Variants in PKHD1 observed in about 807,000 individuals in gnomAD.
The protein encoded by PKHD1 is PKHD1 ciliary IPT domain containing fibrocystin/polyductin.
In PKHD1, 291 loss-of-function variants were observed where a neutral mutation model predicts 412.0. The observed-to-expected ratio is 0.71, with a 90% confidence interval of 0.64 to 0.78. PKHD1 has a LOEUF of 0.78. Ranked by LOEUF, PKHD1 falls within the 30% of genes least tolerant of loss-of-function variation. PKHD1 has a pLI of 0.00. For synonymous variants in PKHD1, 1,777 were observed against 1,821.5 expected (o/e 0.98, Z 0.62); for missense variants, 4,825 against 4,950.7 (o/e 0.97, Z 0.76).
intron 37 of PKHD1, among the ~76,000 whole-genome samples, chr6:51,922,671 G>A (rs959593175): frequency 2.6e-5 from 4 of 152,160 alleles, no homozygotes; most frequent in East Asian, 1.9e-4. Flanking sequence ...CCCAAGCCTC[G>A]CTGCCTCCTT....
At chr6:51,772,315 G>A (rs1411819738) in intron 55 of PKHD1, among the ~76,000 whole-genome samples, 1 of 150,962 alleles carries the variant, frequency 6.6e-6, no homozygotes, top group Non-Finnish European at 1.5e-5. Context: ...TACTTCATAT[G>A]TTTCATCTCC....
rs185943312 is a variant in PKHD1 at position 51,843,105 on chromosome 6, C to T, written c.8107+4670G>A. Among the ~76,000 whole-genome samples, 205 of 152,258 alleles carry T rather than the reference C, an allele frequency of 1.3e-3. 3 individuals are homozygous for T. The highest frequency in any genetic ancestry group is 4.5e-3 in the African/African-American group (186 of 41,552). ...TTAATGATTTTTGATTGAAGGGTGG[C>T]GGCTGGGATGCCGAGAGGATCGTTA... On this transcript the variant is annotated intron_variant, in intron 50 of 66. Coordinates refer to ENST00000371117, the MANE Select transcript of PKHD1 (RefSeq NM_138694.4).
At chr6:52,045,914 C>A (rs1805726266) in intron 24 of PKHD1, 90 bp downstream of exon 24, 3 of 878,924 alleles carry the variant, frequency 3.4e-6, no homozygotes, top group Non-Finnish European at 5.7e-6. Flanking sequence ...TAATTCATGA[C>A]AGTTTCCATT....
At chr6:51,921,575 AG>A (rs1434526669) in intron 37 of PKHD1, among the ~76,000 whole-genome samples, 1 of 152,204 alleles carries the variant, frequency 6.6e-6, no homozygotes, top group East Asian at 1.9e-4. Context: ...AATCAGACGT[AG>A]ATTTGGTCTT....
intron 48 of PKHD1, among the ~76,000 whole-genome samples, chr6:51,867,167 A>G (rs1004326799): frequency 1.3e-5 from 2 of 152,168 alleles, no homozygotes; most frequent in African/African-American, 4.8e-5. Flanking sequence ...AAGGAAGAAA[A>G]TAAGTGTGGC....
chr6:51,996,266 C>T (rs147238638), intron 35 of PKHD1, among the ~76,000 whole-genome samples: 10 of 151,086 alleles, frequency 6.6e-5, no homozygotes, highest in African/African-American at 1.9e-4. Context: ...GCCTCAGCCT[C>T]CCAAAGTGCT....
intron 61 of PKHD1, among the ~76,000 whole-genome samples, chr6:51,656,639 G>A (rs971786044): frequency 2.0e-5 from 3 of 150,116 alleles, no homozygotes; most frequent in African/African-American, 7.3e-5. Context: ...ACAAAACAGA[G>A]TTGGTAGCTT....
At chr6:51,886,799 C>G (rs911078671) in intron 44 of PKHD1, among the ~76,000 whole-genome samples, 31 of 152,246 alleles carry the variant, frequency 2.0e-4, no homozygotes, top group African/African-American at 7.2e-4. Context: ...GCTAAGAGGT[C>G]AGATTTTGTG....
intron 60 of PKHD1, among the ~76,000 whole-genome samples, chr6:51,661,719 G>T (rs971656044): frequency 6.6e-6 from 1 of 151,970 alleles, no homozygotes; most frequent in Admixed American, 6.6e-5. Flanking sequence ...AATCCATAGG[G>T]ATATTTTATC....
intron 55 of PKHD1, among the ~76,000 whole-genome samples, chr6:51,757,570 T>C (rs1787226932): frequency 6.6e-6 from 1 of 152,158 alleles, no homozygotes; most frequent in African/African-American, 2.4e-5. Context: ...TTCCACTGAA[T>C]GCCCAAAGCC....
intron 60 of PKHD1, chr6:51,739,868 C>A: frequency 2.7e-6 from 1 of 364,596 alleles, no homozygotes; most frequent in South Asian, 2.1e-5. Context: ...CCTGACACTG[C>A]TGGTGCCCCA....
chr6:51,947,367 G>C (rs964498725), intron 36 of PKHD1, among the ~76,000 whole-genome samples: 2 of 152,062 alleles, frequency 1.3e-5, no homozygotes, highest in East Asian at 3.9e-4. Flanking sequence ...ACATTGTATT[G>C]AATCGCTAAA....
chr6:51,863,143 G>A (rs1474991), intron 48 of PKHD1, among the ~76,000 whole-genome samples: 61,227 of 151,992 alleles, frequency 0.4, 13,538 homozygotes, highest in East Asian at 0.85. Flanking sequence ...AAAGTAACTT[G>A]TGCAAAGAAA....
At chr6:51,963,339 T>A (rs2127962571) in intron 35 of PKHD1, among the ~76,000 whole-genome samples, 1 of 152,264 alleles carries the variant, frequency 6.6e-6, no homozygotes. Flanking sequence ...TGTTTAAGCA[T>A]TCAGTTTCAA....
At position 52,027,580 on chromosome 6, in the gene PKHD1, GA is replaced by G. The variant is rs1169046988; in HGVS notation, c.3628+248del. On this transcript the variant is annotated intron_variant, in intron 31 of 66. Coordinates refer to ENST00000371117, the MANE Select transcript of PKHD1 (RefSeq NM_138694.4). ...AGAAGAAGAAGGAGAAGAAGAAAAA[GA>G]AAAAAAAAAGAAAAGAAAAGCAGGC... Among the ~76,000 whole-genome samples the G allele has an allele frequency of 4.4e-3, 521 of 118,218 alleles. 2 individuals carry two copies. Among genetic ancestry groups the G allele is most frequent in the African/African-American group, 0.014 (464 of 32,470 alleles). The allele number at this position is 118,218 out of a possible 152,430, so 77.6% of individuals were successfully genotyped here.
intron 45 of PKHD1, among the ~76,000 whole-genome samples, chr6:51,884,167 ATGAC>A (rs1194015602): frequency 3.9e-5 from 6 of 152,238 alleles, no homozygotes; most frequent in African/African-American, 1.2e-4. Context: ...TTAATACATA[ATGAC>A]TCATTTGAAG....
At chr6:51,764,628 G>A (rs62461305) in intron 55 of PKHD1, among the ~76,000 whole-genome samples, 3 of 151,432 alleles carry the variant, frequency 2.0e-5, no homozygotes, top group African/African-American at 4.9e-5. Context: ...TGTTTATTGC[G>A]GCATTATTCA....
At chr6:51,670,690 T>G (rs1774788239) in intron 60 of PKHD1, among the ~76,000 whole-genome samples, 2 of 152,206 alleles carry the variant, frequency 1.3e-5, no homozygotes, top group African/African-American at 2.4e-5. Context: ...TGGTACCAGT[T>G]GTGCCTTTCC....
chr6:51,822,318 A>C (rs1766576895), intron 52 of PKHD1, among the ~76,000 whole-genome samples: 1 of 152,152 alleles, frequency 6.6e-6, no homozygotes, highest in African/African-American at 2.4e-5. Flanking sequence ...CAGAGGATAT[A>C]GTTTATTCTC....
Sources: gnomAD v4.1 joint callset for allele counts (sites outside exome capture counted in the v4.1 genomes callset) on GRCh38, gnomAD v4.1.1 for gene constraint, MANE v1.5 for transcripts, NCBI Gene and HGNC (gene_info 2026-07-23, HGNC 2026-07-21) for gene names.